SNX30: variants seen among roughly 807,000 people sequenced by gnomAD.
The protein encoded by SNX30 is sorting nexin-30.
A neutral mutation model predicts 46.4 loss-of-function variants in SNX30; 24 were observed. The ratio of observed to expected loss-of-function variants is 0.52; its 90% CI spans 0.37 to 0.73. The LOEUF is 0.73. SNX30 is among the 30% of genes least tolerant of loss of function. The pLI is 0.00. For missense variants in SNX30, 533 were observed against 555.7 expected, an observed-to-expected ratio of 0.96 and a Z score of 0.41; for synonymous variants, 189 against 211.5, an observed-to-expected ratio of 0.89 and a Z score of 0.92.
At chr9:112,861,930 C>G in intron 7 of SNX30, among the ~76,000 whole-genome samples, 1 of 137,428 alleles carries the variant, frequency 7.3e-6, no homozygotes, top group East Asian at 2.5e-4. Flanking sequence ...GGGGAAGCGA[C>G]AACACTTACG....
intron 2 of SNX30, among the ~76,000 whole-genome samples, chr9:112,808,198 T>G (rs971311145): frequency 6.6e-6 from 1 of 152,224 alleles, no homozygotes; most frequent in Admixed American, 6.5e-5. Flanking sequence ...TCCTGGGACT[T>G]CCACTTCTGC....
At chr9:112,805,887 T>C (rs942243016) in intron 2 of SNX30, among the ~76,000 whole-genome samples, 2 of 152,246 alleles carry the variant, frequency 1.3e-5, no homozygotes, top group African/African-American at 4.8e-5. Flanking sequence ...AGGATTCTAA[T>C]TTGAATTTGT....
At position 112,817,401 on chromosome 9, in the gene SNX30, C is replaced by CTTTTTTTTTTTGTTTTTTTTTTTTT. The variant is rs1840414880; in HGVS notation, c.349-293_349-292insGTTTTTTTTTTTTTTTTTTTTTTTT. Among the ~76,000 whole-genome samples, 2 of 46,832 alleles carry CTTTTTTTTTTTGTTTTTTTTTTTTT rather than the reference C, an allele frequency of 4.3e-5. 1 individual carries two copies. The highest frequency in any genetic ancestry group is 1.9e-4 in the African/African-American group (2 of 10,264). The allele number at this position is 46,832 out of a possible 152,430, so 30.7% of individuals were successfully genotyped here. A position where few individuals can be genotyped will look rare whatever the true frequency, so the allele number is the denominator to read the frequency against. ...CGGTAGGGAAAAAAAAAAAAACTGG[C>CTTTTTTTTTTTGTTTTTTTTTTTTT]TTTTTTTTTTTTTTTTTTTTTTTTT... On this transcript the variant is annotated intron_variant, in intron 2 of 8. Transcript: ENST00000374232.
rs987025730 is a variant in SNX30, at chr9:112,750,812, C to T, written c.-190C>T. 1.0e-5 allele frequency: 3 copies of T among 287,626 alleles called. No individual in the cohort carries two copies. Among genetic ancestry groups the T allele is most frequent in the African/African-American group, 2.3e-5 (1 of 43,390 alleles). The allele number at this position is 287,626 out of a possible 1,614,324, so 17.8% of individuals were successfully genotyped here. ...CGGGCTCGGGCGCGGAGCGGGGGCG[C>T]GCGGCGCGGAGCGGAGCGTCTGAGC... On this transcript the variant is annotated 5_prime_UTR_variant, in exon 1 of 9. Coordinates refer to ENST00000374232, the MANE Select transcript of SNX30 (RefSeq NM_001012994.2).
intron 1 of SNX30, among the ~76,000 whole-genome samples, chr9:112,779,642 C>T (rs990547745): frequency 6.6e-6 from 1 of 152,130 alleles, no homozygotes; most frequent in Admixed American, 6.5e-5. Context: ...TTGCAATGAG[C>T]CAAGATCGCG....
intron 1 of SNX30, among the ~76,000 whole-genome samples, chr9:112,761,617 T>C (rs1385969693): frequency 3.9e-5 from 6 of 152,090 alleles, no homozygotes; most frequent in Admixed American, 1.3e-4. Context: ...TGACAGATTT[T>C]GGTGTAGTGG....
At chr9:112,879,075 A>G (rs935277319), downstream of SNX30, 2 of 152,164 alleles carry the variant, frequency 1.3e-5, no homozygotes, top group African/African-American at 2.4e-5. Context: ...GAAGTACTCA[A>G]TTGAACATCC....
At position 112,850,925 on chromosome 9, in the gene SNX30, C is replaced by T. The variant is rs372045178; in HGVS notation, c.1081C>T (p.Arg361Trp). ...AGCCAAACTGGAAGCTGTGGCTCTG[C>T]GGAAGGAAGACCGCCCCAAGGTCAG... ...YEAKLEAVAL[R>W]KEDRPKVPAD... Residue 361 changes from arginine to tryptophan, a missense_variant, in exon 7 of 9, where the codon CGG becomes TGG. Arg to Trp is a moderately radical substitution (Grantham distance 101, BLOSUM62 -3). Around this residue, in one of 3 missense-constraint regions of SNX30, gnomAD observed 261 missense variants for 270.9 expected, o/e 0.96. Coordinates refer to ENST00000374232, the MANE Select transcript of SNX30 (RefSeq NM_001012994.2). The T allele has an allele frequency of 4.2e-5, 67 of 1,613,920 alleles. No individual in the cohort carries two copies. In the African/African-American group the frequency reaches 7.6e-4, roughly 18 times the overall value.
chr9:112,851,245 T>A (rs1263291950), intron 7 of SNX30, among the ~76,000 whole-genome samples: 1 of 152,230 alleles, frequency 6.6e-6, no homozygotes, highest in African/African-American at 2.4e-5. Context: ...AAGGAAAGAA[T>A]AGCCTAAATC....
intron 8 of SNX30, among the ~76,000 whole-genome samples, chr9:112,864,707 G>A (rs940724476): frequency 3.9e-5 from 6 of 152,122 alleles, no homozygotes; most frequent in Admixed American, 2.6e-4. Flanking sequence ...GCACAGTGAT[G>A]CTGCCACCGA....
chr9:112,860,237 C>T (rs2099299815), intron 7 of SNX30, among the ~76,000 whole-genome samples: 1 of 152,232 alleles, frequency 6.6e-6, no homozygotes, highest in African/African-American at 2.4e-5. Flanking sequence ...TGAGCCACTG[C>T]GCCCAGCTGA....
At chr9:112,757,748 A>G (rs1305103049) in intron 1 of SNX30, among the ~76,000 whole-genome samples, 2 of 146,172 alleles carry the variant, frequency 1.4e-5, no homozygotes, top group African/African-American at 2.5e-5. Flanking sequence ...GGATTCCCCT[A>G]CCTCCTTTAG....
At position 112,792,407 on chromosome 9, in the gene SNX30, C is replaced by T. The variant is rs756820193; in HGVS notation, c.157-12369C>T. 2.0e-5 allele frequency among the ~76,000 whole-genome samples: 3 copies of T among 152,220 alleles called. No homozygotes were observed. The Middle Eastern group carries it at 0.01, about 518-fold the overall frequency. On this transcript the variant is annotated intron_variant, in intron 1 of 8. Coordinates refer to ENST00000374232, the MANE Select transcript of SNX30 (RefSeq NM_001012994.2). ...AAGTTCTAAATAGTTATTGCCTGTT[C>T]CCTTTTTCCATTTTCCTCTTTTTTT...
intron 3 of SNX30, among the ~76,000 whole-genome samples, chr9:112,824,129 C>T (rs982616210): frequency 4.6e-5 from 7 of 152,160 alleles, no homozygotes; most frequent in Admixed American, 1.3e-4. Context: ...AAAGATTTGT[C>T]TAGATTTCCT....
At chr9:112,784,737 TG>T (rs1839894344) in intron 1 of SNX30, among the ~76,000 whole-genome samples, 1 of 152,212 alleles carries the variant, frequency 6.6e-6, no homozygotes, top group Non-Finnish European at 1.5e-5. Flanking sequence ...ACCTCATAGC[TG>T]GTAGGAGAAC....
intron 1 of SNX30, among the ~76,000 whole-genome samples, chr9:112,795,504 G>A (rs542075792): frequency 1.3e-5 from 2 of 152,178 alleles, no homozygotes; most frequent in East Asian, 3.9e-4. Flanking sequence ...TACCTACCAT[G>A]GGCCAGGGTA....
chr9:112,805,956 TATAAA>T (rs1281576169), intron 2 of SNX30, among the ~76,000 whole-genome samples: 1 of 152,250 alleles, frequency 6.6e-6, no homozygotes, highest in Non-Finnish European at 1.5e-5. Flanking sequence ...TAATTCCACT[TATAAA>T]AGAATAATTT....
chr9:112,807,604 G>A (rs890741654), intron 2 of SNX30, among the ~76,000 whole-genome samples: 1 of 152,120 alleles, frequency 6.6e-6, no homozygotes, highest in African/African-American at 2.4e-5. Flanking sequence ...GTCAGTGAAA[G>A]GTAAGCCTGT....
At chr9:112,848,334 G>A (rs1840971060) in intron 6 of SNX30, among the ~76,000 whole-genome samples, 1 of 152,070 alleles carries the variant, frequency 6.6e-6, no homozygotes, top group African/African-American at 2.4e-5. Context: ...AGACTGGGCT[G>A]GGGGCCCATC....
Sources: allele counts gnomAD v4.1 joint callset (sites outside exome capture counted in the v4.1 genomes callset), GRCh38; gene constraint gnomAD v4.1.1; regional missense constraint gnomAD v4.1.1; transcripts MANE v1.5; gene names NCBI Gene and HGNC (gene_info 2026-07-23, HGNC 2026-07-21).